Variants in COL6A1 observed in about 807,000 individuals in gnomAD.
COL6A1 encodes collagen type VI alpha 1 chain.
A neutral mutation model predicts 145.6 loss-of-function variants in COL6A1; 80 were observed. The observed-to-expected ratio is 0.55, with a 90% CI of 0.46 to 0.66. The LOEUF (loss-of-function observed/expected upper bound fraction) is 0.66, where lower values mean the gene tolerates loss of function less well. Ranked by LOEUF, COL6A1 falls within the 30% of genes least tolerant of loss-of-function variation. The probability of loss-of-function intolerance (pLI) is 0.00; values close to 1 mark genes in which losing one functional copy is unlikely to be tolerated. For missense variants in COL6A1, 1,364 were observed against 1,473.8 expected, an observed-to-expected ratio of 0.93 and a Z score of 1.22; for synonymous variants, 638 against 622.8, an observed-to-expected ratio of 1.02 and a Z score of -0.36.
rs529909858 is a variant in COL6A1 at position 45,996,838 on chromosome 21, G to A, written c.1399-583G>A. 2.0e-5 allele frequency among the ~76,000 whole-genome samples: 3 copies of A among 152,328 alleles called. No individual in the cohort carries two copies. In the South Asian group the frequency reaches 6.2e-4, roughly 32 times the overall value. ...GACCCCCACAGGGTCCTCATGAGAT[G>A]TGGGGGACCCAAGGAAGTCCAGCAG... On this transcript the variant is annotated intron_variant, in intron 20 of 34. Transcript: ENST00000361866.
Position 46,004,120 on chromosome 21 carries a change from A to AT in COL6A1, c.*115dup, listed in dbSNP as rs889031226. On this transcript the variant is annotated 3_prime_UTR_variant, in exon 35 of 35. Transcript: ENST00000361866. ...TTTCCCGACCAACCTGATTCGCTAGATTTTTTTTAAGGAAAAGCTTGGAAA... is the reference window on the plus strand; with the variant it reads ...TTTCCCGACCAACCTGATTCGCTAGATTTTTTTTTAAGGAAAAGCTTGGAAA... 105 of 1,473,818 alleles carry AT rather than the reference A, an allele frequency of 7.1e-5. No individual in the cohort carries two copies. The highest frequency in any genetic ancestry group is 6.0e-4 in the East Asian group (26 of 43,566). 91.3% of individuals were successfully genotyped at this position (1,473,818 alleles called of 1,614,324 possible). A position where few individuals can be genotyped will look rare whatever the true frequency, so the allele number is the denominator to read the frequency against.
At chr21:45,984,122 C>A in intron 2 of COL6A1, 147 bp from the exon 3 acceptor site, 1 of 839,016 alleles carries the variant, frequency 1.2e-6, no homozygotes, top group South Asian at 1.5e-5. Context: ...GGAGGGCCGG[C>A]CTCAGGGCCA....
At chr21:46,000,307 G>T in intron 27 of COL6A1, 24 bp from the exon 28 acceptor site, 2 of 1,613,810 alleles carry the variant, frequency 1.2e-6, no homozygotes, top group Non-Finnish European at 1.7e-6. Context: ...TATGGCCCCA[G>T]TACCCTCGTC....
At chr21:45,989,901 C>T (rs2077764194) in intron 11 of COL6A1, 123 bp downstream of exon 11, 3 of 1,296,758 alleles carry the variant, frequency 2.3e-6, no homozygotes, top group Non-Finnish European at 3.3e-6. Context: ...CAGACCCGCT[C>T]CACCGCCCCT....
chr21:45,991,829 T>C (rs1190954821), intron 15 of COL6A1, among the ~76,000 whole-genome samples, 181 bp from the exon 16 acceptor site: 1 of 152,142 alleles, frequency 6.6e-6, no homozygotes, highest in Admixed American at 6.5e-5. Flanking sequence ...GTTGGAGCAT[T>C]CCAGGAGGTC....
intron 8 of COL6A1, 33 bp from the exon 9 acceptor site, chr21:45,989,051 G>A: frequency 6.2e-7 from 1 of 1,607,318 alleles, no homozygotes; most frequent in African/African-American, 1.3e-5. Context: ...AAGAAACGGG[G>A]CTGCCCCAAC....
chr21:46,003,138 A>G lies in COL6A1; in HGVS notation c.2453A>G (p.Tyr818Cys). ...TTTACAGACAAGAAGTGTCCAGATT[A>G]CACCTGCCCCAGTGAGTACCTCGGC... ...QICIDKKCPD[Y>C]TCPITFSSPA... Residue 818 changes from tyrosine (Y) to cysteine (C), a missense_variant, in exon 34 of 35, where the codon TAC becomes TGC. Physicochemically the swap from Tyr to Cys is radical, Grantham distance 194 (BLOSUM62 -2). Coordinates refer to ENST00000361866, the MANE Select transcript of COL6A1 (RefSeq NM_001848.3). 6.2e-7 allele frequency: 1 copy of G among 1,614,024 alleles called. No individual in the cohort carries two copies. The highest frequency in any genetic ancestry group is 8.5e-7 in the Non-Finnish European group (1 of 1,179,964).
intron 8 of COL6A1, among the ~76,000 whole-genome samples, chr21:45,988,846 C>A (rs532080938): frequency 6.6e-6 from 1 of 152,222 alleles, no homozygotes; most frequent in East Asian, 1.9e-4. Flanking sequence ...CACGTCCCTC[C>A]CACCTGTGCC....
At chr21:45,985,755 G>A (rs760640916) in intron 3 of COL6A1, among the ~76,000 whole-genome samples, 39 of 152,246 alleles carry the variant, frequency 2.6e-4, no homozygotes, top group Middle Eastern at 3.2e-3. Context: ...CCCGAGGTCG[G>A]TCTCAGAGGG....
intron 3 of COL6A1, among the ~76,000 whole-genome samples, chr21:45,985,047 C>T (rs1162020623): frequency 2.1e-5 from 3 of 145,990 alleles, no homozygotes; most frequent in Non-Finnish European, 3.0e-5. Context: ...GACAGAGAAA[C>T]AAAGACAGTC....
At chr21:45,988,394 G>A (rs1320712062) in intron 8 of COL6A1, among the ~76,000 whole-genome samples, 1 of 78,982 alleles carries the variant, frequency 1.3e-5, no homozygotes, top group Non-Finnish European at 2.9e-5. Flanking sequence ...TGGAGGGGAC[G>A]GCGGGGTCCA....
intron 29 of COL6A1, 133 bp from the exon 30 acceptor site, chr21:46,001,120 G>A: frequency 7.7e-7 from 1 of 1,295,482 alleles, no homozygotes; most frequent in South Asian, 1.4e-5. Flanking sequence ...GGGCTTTTCT[G>A]GGGCTGAGAC....
rs532756899 is a variant in COL6A1, at chr21:45,998,932, G to A, written c.1647G>A (p.Glu549=). 44 of 1,555,920 alleles carry A rather than the reference G, an allele frequency of 2.8e-5. 1 individual carries two copies. The South Asian group carries it at 3.9e-4, about 14-fold the overall frequency. ...GCTACCCCGGCCTCAAGGGGGACGA[G>A]GGAGAAGCCGGGGACCCCGGAGACG... is the stretch of plus-strand genomic sequence containing the variant. ...TKGYPGLKGD[E]GEAGDPGDDN... The change falls in exon 25 of 35, where the codon GAG becomes GAA. Residue 549 remains glutamate (E), a synonymous_variant. Coordinates refer to ENST00000361866, the MANE Select transcript of COL6A1 (RefSeq NM_001848.3).
intron 28 of COL6A1, 54 bp downstream of exon 28, chr21:46,000,421 G>T: frequency 1.3e-6 from 2 of 1,595,176 alleles, no homozygotes; most frequent in Non-Finnish European, 1.7e-6. Context: ...CGCCAGCCTG[G>T]CCTGTTCCAC....
intron 29 of COL6A1, chr21:46,001,019 G>A: frequency 7.1e-6 from 5 of 699,450 alleles, no homozygotes; most frequent in Non-Finnish European, 9.6e-6. Context: ...CCATCATTCT[G>A]GCCCACAGGC....
At chr21:45,995,123 G>T (rs1329297017) in intron 20 of COL6A1, among the ~76,000 whole-genome samples, 1 of 152,214 alleles carries the variant, frequency 6.6e-6, no homozygotes, top group African/African-American at 2.4e-5. Context: ...TGGTGCCAAC[G>T]GGTGTTACAC....
chr21:46,004,382 C>T lies in COL6A1; in HGVS notation c.*369C>T, dbSNP rs967364586. 29 of 376,892 alleles carry T rather than the reference C, an allele frequency of 7.7e-5. No homozygotes were observed. Among genetic ancestry groups the T allele is most frequent in the South Asian group, 5.1e-5 (2 of 38,858 alleles). The allele number at this position is 376,892 out of a possible 1,614,324, so 23.3% of individuals were successfully genotyped here. A position where few individuals can be genotyped will look rare whatever the true frequency, so the allele number is the denominator to read the frequency against. On this transcript the variant is annotated 3_prime_UTR_variant, in exon 35 of 35. Transcript: ENST00000361866. The stretch of plus-strand genomic sequence containing the variant: ...GGCTCTCCTGCCCTGCCCTCCTGCC[C>T]GCCCTCCCTCCTGCCTGCGCAGCTC...
Position 45,999,686 on chromosome 21 carries a change from G to A in COL6A1, c.1770G>A (p.Gly590=), listed in dbSNP as rs752980359. 3.7e-6 allele frequency: 6 copies of A among 1,613,326 alleles called. No individual in the cohort carries two copies. In the South Asian group the frequency reaches 5.5e-5, roughly 15 times the overall value. ...QGPPGHQGPP[G]PDECEILDII... The stretch of plus-strand genomic sequence containing the variant: ...CCCCAGGACACCAAGGACCGCCTGG[G>A]CCGGACGTAAGTGGGGCTCTGTGAA... The change falls in exon 27 of 35, where the codon GGG becomes GGA. Residue 590 remains glycine (G), a synonymous_variant. Coordinates refer to ENST00000361866, the MANE Select transcript of COL6A1 (RefSeq NM_001848.3).
rs959788826 is a variant in COL6A1 at position 45,998,917 on chromosome 21, C to T, written c.1632C>T (p.Gly544=). Residue 544 remains glycine, a synonymous_variant, in exon 25 of 35, where the codon GGC becomes GGT. Transcript: ENST00000361866. ...TGCAGGGCACGAAGGGCTACCCCGG[C>T]CTCAAGGGGGACGAGGGAGAAGCCG... The part of the protein sequence containing the change: ...PGINGTKGYP[G]LKGDEGEAGD... The T allele has an allele frequency of 6.4e-7, 1 of 1,556,234 alleles. No homozygotes were observed. The highest frequency in any genetic ancestry group is 8.7e-7 in the Non-Finnish European group (1 of 1,149,334).
Sources: allele counts gnomAD v4.1 joint callset (sites outside exome capture counted in the v4.1 genomes callset), GRCh38; gene constraint gnomAD v4.1.1; transcripts MANE v1.5; gene names NCBI Gene and HGNC (gene_info 2026-07-23, HGNC 2026-07-21).